CAMKMT: variants seen among roughly 807,000 people sequenced by gnomAD.
CAMKMT encodes calmodulin-lysine N-methyltransferase.
CAMKMT carries 53 observed loss-of-function variants against 48.0 expected under a neutral mutation model. The observed-to-expected ratio is 1.10, with a 90% confidence interval of 0.89 to 1.39. The LOEUF is 1.39. Ranked by LOEUF, CAMKMT falls within the 40% of genes most tolerant of loss-of-function variation. The pLI is 0.00. For missense variants in CAMKMT, 428 were observed against 402.7 expected (o/e 1.06, Z -0.54); for synonymous variants, 165 against 152.3 (o/e 1.08, Z -0.61).
intron 3 of CAMKMT, among the ~76,000 whole-genome samples, chr2:44,588,654 G>GA (rs1341015258): frequency 5.2e-5 from 2 of 38,644 alleles, no homozygotes; most frequent in South Asian, 1.0e-3. Flanking sequence ...GAGGTGGGGG[G>GA]TCAGCCCCCC....
In CAMKMT at chr2:44,448,821, A is replaced by C. The variant is rs112456918; in HGVS notation, c.376+58516A>C. On this transcript the variant is annotated intron_variant, in intron 3 of 10. Coordinates refer to ENST00000378494, the MANE Select transcript of CAMKMT (RefSeq NM_024766.5). ...CAATGGAATATTTTTCAGCAATAAA[A>C]ATGAATGAATTAATGATACAACCTG... Among the ~76,000 whole-genome samples, 334 of 152,372 alleles carry C rather than the reference A, an allele frequency of 2.2e-3. No homozygotes were observed. The Middle Eastern group carries it at 0.027, about 12-fold the overall frequency.
At chr2:44,728,778 G>T (rs182534323) in intron 7 of CAMKMT, among the ~76,000 whole-genome samples, 1 of 147,466 alleles carries the variant, frequency 6.8e-6, no homozygotes, top group Non-Finnish European at 1.5e-5. Flanking sequence ...TGTTGTTTCT[G>T]ATTGTGCTTA....
intron 3 of CAMKMT, among the ~76,000 whole-genome samples, chr2:44,540,159 C>CAT (rs34285842): frequency 0.7 from 104,163 of 149,708 alleles, 36,776 homozygotes; most frequent in Admixed American, 0.76. Flanking sequence ...TATGTATATA[C>CAT]ATATATATAT....
chr2:44,533,881 A>G (rs1666621308), intron 3 of CAMKMT, among the ~76,000 whole-genome samples: 1 of 152,230 alleles, frequency 6.6e-6, no homozygotes, highest in African/African-American at 2.4e-5. Flanking sequence ...GAGCATATCA[A>G]TAATACCCTC....
intron 10 of CAMKMT, among the ~76,000 whole-genome samples, chr2:44,767,670 A>G (rs1680897323): frequency 6.6e-6 from 1 of 152,136 alleles, no homozygotes; most frequent in African/African-American, 2.4e-5. Flanking sequence ...GAAAATAAAA[A>G]CAGGATGGTA....
At chr2:44,372,014 A>G (rs572099114) in intron 1 of CAMKMT, among the ~76,000 whole-genome samples, 29 of 152,256 alleles carry the variant, frequency 1.9e-4, no homozygotes, top group African/African-American at 7.0e-4. Flanking sequence ...TGCATACTCA[A>G]TATACCTCCC....
intron 3 of CAMKMT, among the ~76,000 whole-genome samples, chr2:44,578,317 G>T (rs1048404592): frequency 6.6e-6 from 1 of 152,228 alleles, no homozygotes; most frequent in East Asian, 1.9e-4. Context: ...AATTTCATAT[G>T]GAAATAATAC....
At chr2:44,380,146 C>G (rs1373514989) in intron 2 of CAMKMT, among the ~76,000 whole-genome samples, 2 of 151,936 alleles carry the variant, frequency 1.3e-5, no homozygotes, top group Admixed American at 6.6e-5. Flanking sequence ...ATTATCTGCC[C>G]CAATGACTCG....
chr2:44,741,324 C>T (rs569309264), intron 7 of CAMKMT, among the ~76,000 whole-genome samples: 1 of 152,318 alleles, frequency 6.6e-6, no homozygotes, highest in African/African-American at 2.4e-5. Context: ...GAACAGTGAA[C>T]TCACCATCAT....
At chr2:44,372,495 G>A (rs952077355) in intron 1 of CAMKMT, among the ~76,000 whole-genome samples, 37 of 150,618 alleles carry the variant, frequency 2.5e-4, no homozygotes, top group Non-Finnish European at 1.2e-4. Context: ...TATCAGACTT[G>A]TAAATCTTCA....
chr2:44,715,904 C>G (rs182342746), intron 7 of CAMKMT, among the ~76,000 whole-genome samples: 43 of 152,250 alleles, frequency 2.8e-4, no homozygotes, highest in Admixed American at 2.4e-3. Context: ...AAACCCTGCT[C>G]TGTTTCATGA....
At chr2:44,638,104 C>T (rs1160044375) in intron 3 of CAMKMT, among the ~76,000 whole-genome samples, 2 of 151,044 alleles carry the variant, frequency 1.3e-5, no homozygotes, top group African/African-American at 2.4e-5. Context: ...GAAAAGCCAC[C>T]AAATTAAAGT....
intron 3 of CAMKMT, among the ~76,000 whole-genome samples, chr2:44,624,496 GT>G (rs1337170743): frequency 2.6e-5 from 4 of 151,898 alleles, no homozygotes; most frequent in Non-Finnish European, 5.9e-5. Context: ...CCCCACAACA[GT>G]CCCCAGTGTG....
chr2:44,627,430 T>C (rs1021789863), intron 3 of CAMKMT, among the ~76,000 whole-genome samples: 5 of 152,130 alleles, frequency 3.3e-5, no homozygotes, highest in African/African-American at 7.2e-5. Context: ...TTCCTTCTTA[T>C]GTTTTCTGAA....
At chr2:44,477,832 G>A (rs573278642) in intron 3 of CAMKMT, among the ~76,000 whole-genome samples, 1 of 152,316 alleles carries the variant, frequency 6.6e-6, no homozygotes, top group African/African-American at 2.4e-5. Context: ...ATTCACAATG[G>A]TACAGGTATA....
At chr2:44,611,543 T>G (rs749143186) in intron 3 of CAMKMT, among the ~76,000 whole-genome samples, 1 of 152,100 alleles carries the variant, frequency 6.6e-6, no homozygotes, top group Non-Finnish European at 1.5e-5. Context: ...TAAGTCACAT[T>G]ATTCCTAGCA....
chr2:44,457,481 C>T (rs977856004), intron 3 of CAMKMT, among the ~76,000 whole-genome samples: 28 of 151,704 alleles, frequency 1.8e-4, no homozygotes, highest in Middle Eastern at 3.4e-3. Context: ...TCACTGCAAC[C>T]TCCACCCCCC....
intron 3 of CAMKMT, among the ~76,000 whole-genome samples, chr2:44,557,620 C>T (rs1313818358): frequency 1.3e-5 from 2 of 152,034 alleles, no homozygotes; most frequent in East Asian, 3.9e-4. Context: ...AAAATAGAAA[C>T]AGTAACAACA....
intron 3 of CAMKMT, among the ~76,000 whole-genome samples, chr2:44,420,174 AT>A (rs1683836183): frequency 6.6e-6 from 1 of 152,178 alleles, no homozygotes. Context: ...TATTTGAAAA[AT>A]TTCTAAGGAT....
Sources: allele counts gnomAD v4.1 joint callset (sites outside exome capture counted in the v4.1 genomes callset), GRCh38; gene constraint gnomAD v4.1.1; transcripts MANE v1.5; gene names NCBI Gene and HGNC (gene_info 2026-07-23, HGNC 2026-07-21).